PRIM2: variants seen among roughly 807,000 people sequenced by gnomAD.
The protein encoded by PRIM2 is DNA primase large subunit.
A neutral mutation model predicts 67.3 loss-of-function variants in PRIM2; 39 were observed. The ratio of observed to expected loss-of-function variants is 0.58; its 90% CI spans 0.45 to 0.76. The LOEUF (loss-of-function observed/expected upper bound fraction) is 0.76. PRIM2 is among the 30% of genes least tolerant of loss of function. The pLI, the probability that PRIM2 is intolerant of heterozygous loss-of-function variation, is 0.00. For missense variants in PRIM2, 398 were observed against 598.7 expected, an observed-to-expected ratio of 0.66 and a Z score of 3.50; for synonymous variants, 143 against 198.7, an observed-to-expected ratio of 0.72 and a Z score of 2.36.
chr6:57,441,368 A>C (rs1772199950), intron 7 of PRIM2, among the ~76,000 whole-genome samples: 1 of 152,234 alleles, frequency 6.6e-6, no homozygotes, highest in Non-Finnish European at 1.5e-5. Context: ...ATGAGCCAGT[A>C]CATTAACATT....
At position 57,646,156 on chromosome 6, in the gene PRIM2, T is replaced by G; in HGVS notation, c.1528T>G (p.Ter510GluextTer4). 1 of 1,577,582 alleles carries G rather than the reference T, an allele frequency of 6.3e-7. No homozygotes were observed. The highest frequency in any genetic ancestry group is 1.7e-5 in the Admixed American group (1 of 59,676). Residue 510 changes from the stop codon to glutamate (E), a stop_lost, in exon 14 of 14, where the codon TAG (stop) becomes GAG (glutamate). Coordinates refer to ENST00000615550, the MANE Select transcript of PRIM2 (RefSeq NM_000947.5). ...AGAAGATTACTTTAGTGAAGATTCT[T>G]AGGCAGTTTTATAACCCTTTTTCCT... ...GLEDYFSEDS* is the reference protein window; with the variant it reads ...GLEDYFSEDSE
intron 1 of PRIM2, among the ~76,000 whole-genome samples, chr6:57,318,051 A>G (rs1386856893): frequency 1.3e-5 from 2 of 152,176 alleles, no homozygotes; most frequent in African/African-American, 4.8e-5. Context: ...CAGAACCTAC[A>G]GCACTTTCCT....
the PRIM2 span, among the ~76,000 whole-genome samples, chr6:57,273,562 ATTGGTTCAAACTTC>A: frequency 4.6e-5 from 7 of 152,122 alleles, no homozygotes; most frequent in African/African-American, 1.4e-4. Context: ...CTTCTTTGCC[ATTGGTTCAAACTTC>A]CTCCTGTAGC....
At chr6:57,402,107 C>A (rs1770732243) in intron 7 of PRIM2, among the ~76,000 whole-genome samples, 1 of 152,194 alleles carries the variant, frequency 6.6e-6, no homozygotes, top group South Asian at 2.1e-4. Flanking sequence ...ACCTACATAA[C>A]AGGCTGGCCA....
At chr6:57,433,087 A>T in intron 7 of PRIM2, among the ~76,000 whole-genome samples, 1 of 152,180 alleles carries the variant, frequency 6.6e-6, no homozygotes, top group East Asian at 1.9e-4. Context: ...CCTATTCGTT[A>T]TGTATTGTGT....
At chr6:57,502,863 A>G (rs1186389753) in intron 7 of PRIM2, among the ~76,000 whole-genome samples, 1 of 152,218 alleles carries the variant, frequency 6.6e-6, no homozygotes, top group Non-Finnish European at 1.5e-5. Context: ...AGGAGGTCAC[A>G]GTTTCAACTA....
chr6:57,476,855 C>T (rs1292896689), intron 7 of PRIM2, among the ~76,000 whole-genome samples: 3 of 152,260 alleles, frequency 2.0e-5, no homozygotes, highest in East Asian at 3.9e-4. Context: ...TCAAGTGATT[C>T]TCCTGCCTCA....
chr6:57,281,792 T>A, the PRIM2 span, among the ~76,000 whole-genome samples: 1 of 152,250 alleles, frequency 6.6e-6, no homozygotes, highest in African/African-American at 2.4e-5. Context: ...GAATTCTCAC[T>A]CACTAAGATA....
Position 57,531,699 on chromosome 6 carries a change from T to C in PRIM2, c.762-712T>C, listed in dbSNP as rs1241902831. Among the ~76,000 whole-genome samples the C allele has an allele frequency of 3.3e-5, 5 of 152,258 alleles. No homozygotes were observed. The East Asian group carries it at 9.6e-4, about 29-fold the overall frequency. ...CGGTGAAAAAATGGGGAATTAGGAA[T>C]CAAAAGGTTTGAGTTCCCACTGCAC... On this transcript the variant is annotated intron_variant, in intron 8 of 13. Coordinates refer to ENST00000615550, the MANE Select transcript of PRIM2 (RefSeq NM_000947.5).
the PRIM2 span, among the ~76,000 whole-genome samples, chr6:57,239,458 T>C: frequency 2.6e-5 from 4 of 152,140 alleles, no homozygotes; most frequent in Admixed American, 2.6e-4. Flanking sequence ...GTTTAGGCCA[T>C]GTGTAGTGAC....
At chr6:57,544,008 C>T (rs1775234796) in intron 10 of PRIM2, among the ~76,000 whole-genome samples, 1 of 152,078 alleles carries the variant, frequency 6.6e-6, no homozygotes, top group Non-Finnish European at 1.5e-5. Flanking sequence ...GGTTCTGATG[C>T]CCACTGTTAT....
chr6:57,611,480 A>G (rs1776665114), intron 12 of PRIM2, among the ~76,000 whole-genome samples: 1 of 152,180 alleles, frequency 6.6e-6, no homozygotes, highest in Admixed American at 6.5e-5. Flanking sequence ...TATATGGGCA[A>G]CGGATTTTTA....
At chr6:57,629,144 T>C (rs1330166623) in intron 12 of PRIM2, among the ~76,000 whole-genome samples, 133 of 152,298 alleles carry the variant, frequency 8.7e-4, no homozygotes, top group African/African-American at 3.2e-3. Flanking sequence ...GATGTTCATA[T>C]TGGAAAAATT....
intron 5 of PRIM2, among the ~76,000 whole-genome samples, chr6:57,336,858 A>C (rs1249053943): frequency 6.6e-6 from 1 of 152,232 alleles, no homozygotes; most frequent in Non-Finnish European, 1.5e-5. Flanking sequence ...CACACATAAC[A>C]ATATTAACTT....
intron 7 of PRIM2, among the ~76,000 whole-genome samples, chr6:57,488,484 A>G (rs1291650425): frequency 6.6e-6 from 1 of 152,226 alleles, no homozygotes; most frequent in East Asian, 1.9e-4. Context: ...AATTAGTTCA[A>G]AAGTAGAATG....
intron 5 of PRIM2, among the ~76,000 whole-genome samples, chr6:57,342,451 A>G (rs551507665): frequency 0.053 from 4,213 of 78,768 alleles, 68 homozygotes; most frequent in Non-Finnish European, 0.07. Flanking sequence ...CCAGTTAGGG[A>G]AAGGTCAGCT....
At chr6:57,499,005 T>C (rs1554346603) in intron 7 of PRIM2, among the ~76,000 whole-genome samples, 3,402 of 152,264 alleles carry the variant, frequency 0.022, 107 homozygotes, top group South Asian at 0.072. Flanking sequence ...AAAATAGCAA[T>C]TGGCTAACAG....
At chr6:57,323,674 A>G (rs1355149386) in intron 3 of PRIM2, among the ~76,000 whole-genome samples, 3 of 152,042 alleles carry the variant, frequency 2.0e-5, no homozygotes, top group Non-Finnish European at 4.4e-5. Context: ...TACCTAATGC[A>G]TGTGGGGCTT....
chr6:57,628,520 GC>G (rs1776992259), intron 12 of PRIM2, among the ~76,000 whole-genome samples: 1 of 152,082 alleles, frequency 6.6e-6, no homozygotes, highest in African/African-American at 2.4e-5. Context: ...ATTCAGGGGG[GC>G]ACATGTGCAG....
Sources: allele counts gnomAD v4.1 joint callset (sites outside exome capture counted in the v4.1 genomes callset), GRCh38; gene constraint gnomAD v4.1.1; transcripts MANE v1.5; gene names NCBI Gene and HGNC (gene_info 2026-07-23, HGNC 2026-07-21).